Variants in SLC9A3 observed in about 807,000 individuals in gnomAD.
The protein encoded by SLC9A3 is sodium/hydrogen exchanger 3.
Under a neutral mutation model 86.8 loss-of-function variants are expected in SLC9A3, and 37 were observed. That is an observed-to-expected ratio of 0.43 (90% CI 0.33 to 0.56). The LOEUF is 0.56. Among genes scored for constraint, SLC9A3 ranks in the 20% least tolerant of loss-of-function variants. SLC9A3 has a pLI of 0.06. For missense variants in SLC9A3, 1,011 were observed against 1,171.9 expected (o/e 0.86, Z 2.00); for synonymous variants, 581 against 528.3 (o/e 1.10, Z -1.37).
intron 1 of SLC9A3, among the ~76,000 whole-genome samples, chr5:513,558 C>T (rs1037271278): frequency 1.3e-5 from 2 of 152,036 alleles, no homozygotes; most frequent in Admixed American, 6.5e-5. Context: ...GCAGAGAACG[C>T]GTCAGCCCCA....
chr5:471,534 G>C lies in SLC9A3; in HGVS notation c.*1845C>G, dbSNP rs1031944807. 5.8e-6 allele frequency: 2 copies of C among 344,216 alleles called. No homozygotes were observed. Among genetic ancestry groups the C allele is most frequent in the African/African-American group, 4.3e-5 (2 of 46,534 alleles). 21.3% of individuals were successfully genotyped at this position (344,216 alleles called of 1,614,324 possible). ...CAGAACAGCCACTTGTGCCGGGAAG[G>C]CCAGGCCCCGGCCTGCTCCGATGAA... On this transcript the variant is annotated 3_prime_UTR_variant, in exon 17 of 17. Transcript: ENST00000264938.
intron 1 of SLC9A3, among the ~76,000 whole-genome samples, chr5:512,123 G>T (rs1309291036): frequency 1.3e-5 from 2 of 152,206 alleles, no homozygotes. Context: ...GGATGAACAG[G>T]CAGAGCACAG....
chr5:523,913 G>A (rs904291436), intron 1 of SLC9A3, among the ~76,000 whole-genome samples, 199 bp downstream of exon 1: 1 of 152,012 alleles, frequency 6.6e-6, no homozygotes, highest in Admixed American at 6.5e-5. Context: ...GGGGAGGGGA[G>A]ACCTCGGGAC....
intron 1 of SLC9A3, 42 bp from the exon 2 acceptor site, chr5:492,113 A>T: frequency 7.1e-6 from 3 of 425,190 alleles, no homozygotes; most frequent in Non-Finnish European, 6.1e-6. Context: ...GCTGTGAGGG[A>T]GGGGAGGGAG....
In SLC9A3 at chr5:479,420, C is replaced by T. The variant is rs934481362; in HGVS notation, c.1647+416G>A. ...GGAGCAGCCTCAGAGCCATGGCCGG[C>T]CCACAGCGGGAGACGGCCCTGCTGC... is the stretch of plus-strand genomic sequence containing the variant. On this transcript the variant is annotated intron_variant, in intron 10 of 16. Coordinates refer to ENST00000264938, the MANE Select transcript of SLC9A3 (RefSeq NM_004174.4). 10 of 199,390 alleles carry T rather than the reference C, an allele frequency of 5.0e-5. No individual in the cohort carries two copies. In the South Asian group the frequency reaches 7.2e-4, roughly 14 times the overall value. The allele number at this position is 199,390 out of a possible 1,614,324, so 12.4% of individuals were successfully genotyped here.
In SLC9A3 at chr5:491,831, G is replaced by T; in HGVS notation, c.452C>A (p.Thr151Asn). ...GTILLYAVVG[T>N]VWNAATTGLS... is the part of the protein sequence containing the mutation. ...CCCGGTGGTGGCCGCGTTCCACACG[G>T]TACCCACGACGGCGTACAACAGGAT... Residue 151 changes from threonine to asparagine, a missense_variant, in exon 2 of 17, where the codon ACC (threonine) becomes AAC (asparagine). Thr to Asn is a moderately conservative substitution (Grantham distance 65). Coordinates refer to ENST00000264938, the MANE Select transcript of SLC9A3 (RefSeq NM_004174.4). This position sits in a 1 kb window ranked among gnomAD's most constrained non-coding sequence, Gnocchi z 9.2. 8 of 1,598,052 alleles carry T rather than the reference G, an allele frequency of 5.0e-6. No homozygotes were observed. The highest frequency in any genetic ancestry group is 6.8e-6 in the Non-Finnish European group (8 of 1,173,054).
In SLC9A3 at chr5:479,910, G is replaced by A; in HGVS notation, c.1573C>T (p.Gln525Ter). The change falls in exon 10 of 17, where the codon CAG becomes TAG. Residue 525 changes from glutamine to a stop codon, truncating the protein, a stop_gained. Transcript: ENST00000264938. LOFTEE classifies it high-confidence loss of function. ...TTCAGGATCCGGTCTCGAGACTTCT[G>A]GGCCGACCGTCTCATGAGGACCCTG... ...LSRVLMRRSAQKSRDRILNVF... is the reference protein window; with the variant it reads ...LSRVLMRRSA 1 of 1,613,984 alleles carries A rather than the reference G, an allele frequency of 6.2e-7. No homozygotes were observed. Among genetic ancestry groups the A allele is most frequent in the Non-Finnish European group, 8.5e-7 (1 of 1,179,980 alleles).
chr5:524,005 C>T, intron 1 of SLC9A3, 107 bp downstream of exon 1: 1 of 679,702 alleles, frequency 1.5e-6, no homozygotes, highest in Non-Finnish European at 2.2e-6. Context: ...CCCGGGCGGC[C>T]GCCGCGCGGC....
At chr5:485,312 G>A (rs1363470340) in intron 3 of SLC9A3, 81 bp from the exon 4 acceptor site, 2 of 1,169,640 alleles carry the variant, frequency 1.7e-6, no homozygotes, top group Non-Finnish European at 2.6e-6. Flanking sequence ...CGCTGGACTT[G>A]GCCCGAGTGT....
At chr5:520,004 GC>G (rs1733839884) in intron 1 of SLC9A3, among the ~76,000 whole-genome samples, 1 of 152,072 alleles carries the variant, frequency 6.6e-6, no homozygotes, top group Non-Finnish European at 1.5e-5. Flanking sequence ...CTGGGCCTCC[GC>G]CATCACATCC....
rs200347051 is a variant in SLC9A3, at chr5:477,351, C to A, written c.1741G>T (p.Ala581Ser). ...ACATACAGGAGGTAGGAGACAGAGG[C>A]CTCCACGGTGGACGATCGTGGCGTG... is the stretch of plus-strand genomic sequence containing the variant. ...DFTPRSSTVE[A>S]SVSYLLRENV... The change falls in exon 11 of 17, where the codon GCC (alanine) becomes TCC (serine). Residue 581 changes from alanine to serine, a missense_variant. Around this residue, in one of 3 missense-constraint regions of SLC9A3, gnomAD observed 397 missense variants for 346.3 expected, o/e 1.15. Transcript: ENST00000264938. 245 of 1,608,640 alleles carry A rather than the reference C, an allele frequency of 1.5e-4. No homozygotes were observed. The highest frequency in any genetic ancestry group is 1.0e-5 in the Non-Finnish European group (12 of 1,176,290).
chr5:500,225 G>A lies in SLC9A3; in HGVS notation c.212-8154C>T, dbSNP rs377498404. On this transcript the variant is annotated intron_variant, in intron 1 of 16. Transcript: ENST00000264938. Reference sequence around the variant, plus strand: ...AGGCGGTGTGGGACCCTCCCGAGACGCACTATGCAGAGCCTGGGCTCAGCC... The same window carrying A: ...AGGCGGTGTGGGACCCTCCCGAGACACACTATGCAGAGCCTGGGCTCAGCC... Among the ~76,000 whole-genome samples the A allele has an allele frequency of 6.6e-5, 10 of 152,320 alleles. No homozygotes were observed. The East Asian group carries it at 1.2e-3, about 18-fold the overall frequency.
At chr5:517,702 C>T (rs887639926) in intron 1 of SLC9A3, among the ~76,000 whole-genome samples, 2 of 150,914 alleles carry the variant, frequency 1.3e-5, no homozygotes, top group African/African-American at 4.9e-5. Flanking sequence ...ACCCATCCAT[C>T]CATTCACCCA....
chr5:515,218 C>A (rs1733691393), intron 1 of SLC9A3, among the ~76,000 whole-genome samples: 1 of 152,152 alleles, frequency 6.6e-6, no homozygotes, highest in Non-Finnish European at 1.5e-5. Context: ...CTAACCACCC[C>A]CAGCACAGCA....
Position 479,947 on chromosome 5 carries a change from C to T in SLC9A3, c.1536G>A (p.Arg512=). 6.8e-6 allele frequency: 11 copies of T among 1,613,900 alleles called. No homozygotes were observed. The highest frequency in any genetic ancestry group is 9.3e-6 in the Non-Finnish European group (11 of 1,179,930). The part of the protein sequence containing the change: ...YLRDKWSHFD[R]KFLSRVLMRR... ...TCATGAGGACCCTGCTGAGGAACTT[C>T]CTGTCGAAGTGGGACCACCTGTAGG... The change falls in exon 10 of 17, where the codon AGG becomes AGA. Residue 512 remains arginine (R), a synonymous_variant. Coordinates refer to ENST00000264938, the MANE Select transcript of SLC9A3 (RefSeq NM_004174.4).
At chr5:485,111 G>A in intron 4 of SLC9A3, 42 bp downstream of exon 4, 1 of 1,447,470 alleles carries the variant, frequency 6.9e-7, no homozygotes, top group Non-Finnish European at 9.7e-7. Flanking sequence ...TGGCCCCAGA[G>A]GAGACACGGC....
chr5:490,248 C>T (rs1304257873), intron 2 of SLC9A3, among the ~76,000 whole-genome samples: 2 of 152,196 alleles, frequency 1.3e-5, no homozygotes, highest in East Asian at 3.9e-4. Flanking sequence ...GGGGGCACAG[C>T]GATACCTGGG....
chr5:509,494 A>G (rs1267710712), intron 1 of SLC9A3, among the ~76,000 whole-genome samples: 8 of 106,610 alleles, frequency 7.5e-5, no homozygotes, highest in African/African-American at 2.9e-4. Flanking sequence ...AGGGAGGGAA[A>G]GAAGGAAGGA....
At chr5:492,108 G>A in intron 1 of SLC9A3, 37 bp from the exon 2 acceptor site, 1 of 1,245,042 alleles carries the variant, frequency 8.0e-7, no homozygotes, top group Non-Finnish European at 1.1e-6. Flanking sequence ...GCCGGGCTGT[G>A]AGGGAGGGGA....
Sources: gnomAD v4.1 joint callset for allele counts (sites outside exome capture counted in the v4.1 genomes callset) on GRCh38, gnomAD v4.1.1 for gene constraint, gnomAD v4.1.1 regional missense constraint, Gnocchi (gnomAD v3.1) non-coding constraint, MANE v1.5 for transcripts, NCBI Gene and HGNC (gene_info 2026-07-23, HGNC 2026-07-21) for gene names.